LIMD1: variants seen among roughly 807,000 people sequenced by gnomAD.
LIMD1 encodes LIM domain containing 1, also known as LIM domain-containing protein 1.
Under a neutral mutation model 58.4 loss-of-function variants are expected in LIMD1, and 23 were observed. That is an observed-to-expected ratio of 0.39 (90% CI 0.28 to 0.56). The LOEUF (loss-of-function observed/expected upper bound fraction) is 0.56. LIMD1 is among the 20% of genes least tolerant of loss of function. The pLI is 0.57. For missense variants in LIMD1, 838 were observed against 855.5 expected (o/e 0.98, Z 0.25); for synonymous variants, 334 against 345.5 (o/e 0.97, Z 0.37).
chr3:45,601,331 C>T (rs968522461), intron 1 of LIMD1, among the ~76,000 whole-genome samples: 9 of 152,192 alleles, frequency 5.9e-5, no homozygotes, highest in African/African-American at 1.9e-4. Flanking sequence ...TTCACACTCC[C>T]TCATGGATCA....
rs1701331384 is a variant in LIMD1 at position 45,595,168 on chromosome 3, C to CT, written c.290dup (p.Thr98AspfsTer61). On this transcript the variant is annotated frameshift_variant, in exon 1 of 8. Transcript: ENST00000273317. LOFTEE classifies it high-confidence loss of function. ...CCGTTGGGAAGTTGTGGGCAGCAAG[C>CT]TGACTGTGGATGGTGCTGCCAAGCC... 1.2e-6 allele frequency: 2 copies of CT among 1,604,626 alleles called. No homozygotes were observed. Among genetic ancestry groups the CT allele is most frequent in the Non-Finnish European group, 1.7e-6 (2 of 1,175,512 alleles).
In LIMD1 at chr3:45,677,378, T is replaced by G. The variant is rs1312214274; in HGVS notation, c.*319T>G. ...TCCTCCTGTCCCCTCTGGGAACATT[T>G]CATGCTTCAGAGGGAGAGGTTTTTA... is the stretch of plus-strand genomic sequence containing the variant. On this transcript the variant is annotated 3_prime_UTR_variant, in exon 8 of 8. Transcript: ENST00000273317. The G allele has an allele frequency of 8.2e-6, 2 of 244,782 alleles. No individual in the cohort carries two copies. Among genetic ancestry groups the G allele is most frequent in the Non-Finnish European group, 1.6e-5 (2 of 124,376 alleles). The allele number at this position is 244,782 out of a possible 1,614,324, so 15.2% of individuals were successfully genotyped here.
rs1701322573 is a variant in LIMD1 at position 45,594,825 on chromosome 3, ACACACACACACACACACACG to A, written c.-54_-35del. ...CACACACACACACACACACACACAC[ACACACACACACACACACACG>A]GCACCTGGGCTAGGCCCGGACACCT... On this transcript the variant is annotated 5_prime_UTR_variant, in exon 1 of 8. Coordinates refer to ENST00000273317, the MANE Select transcript of LIMD1 (RefSeq NM_014240.3). The A allele has an allele frequency of 2.6e-6, 2 of 770,596 alleles. No homozygotes were observed. The highest frequency in any genetic ancestry group is 2.2e-5 in the African/African-American group (1 of 45,514). The allele number at this position is 770,596 out of a possible 1,614,324, so 47.7% of individuals were successfully genotyped here.
chr3:45,626,906 AAG>A (rs1377874428), intron 1 of LIMD1, among the ~76,000 whole-genome samples: 1 of 152,082 alleles, frequency 6.6e-6, no homozygotes, highest in African/African-American at 2.4e-5. Flanking sequence ...AAAAAAAAAA[AAG>A]TAAATTCATT....
chr3:45,671,718 T>G (rs192741989), intron 4 of LIMD1, among the ~76,000 whole-genome samples: 7 of 152,292 alleles, frequency 4.6e-5, no homozygotes, highest in Admixed American at 3.9e-4. Context: ...AGTTTCTGAT[T>G]CAAGAAATCT....
intron 2 of LIMD1, among the ~76,000 whole-genome samples, chr3:45,653,967 T>C (rs188595150): frequency 2.0e-4 from 30 of 150,258 alleles, no homozygotes; most frequent in African/African-American, 7.3e-4. Context: ...AGAAAAGCTA[T>C]TTGAAGAAGT....
chr3:45,631,311 C>G (rs116623969), intron 1 of LIMD1, among the ~76,000 whole-genome samples: 1,673 of 150,886 alleles, frequency 0.011, 25 homozygotes, highest in African/African-American at 0.039. Flanking sequence ...AAAAAAAAAA[C>G]AAAGAAAGAA....
At chr3:45,634,212 C>T (rs1367513281) in intron 1 of LIMD1, among the ~76,000 whole-genome samples, 3 of 152,144 alleles carry the variant, frequency 2.0e-5, no homozygotes, top group African/African-American at 7.2e-5. Context: ...TACAGTTTTA[C>T]AACATAAAGA....
intron 6 of LIMD1, 66 bp from the exon 7 acceptor site, chr3:45,674,277 T>G: frequency 1.4e-5 from 17 of 1,256,346 alleles, no homozygotes; most frequent in Non-Finnish European, 1.7e-5. Context: ...CACCCCACGG[T>G]ACATCAAGCC....
intron 2 of LIMD1, among the ~76,000 whole-genome samples, chr3:45,653,227 G>A (rs1428848753): frequency 6.6e-6 from 1 of 152,196 alleles, no homozygotes; most frequent in Non-Finnish European, 1.5e-5. Flanking sequence ...AGTGATGTAG[G>A]GGATTTGGAT....
chr3:45,629,117 A>T (rs1701700705), intron 1 of LIMD1, among the ~76,000 whole-genome samples: 1 of 152,072 alleles, frequency 6.6e-6, no homozygotes. Flanking sequence ...GGTGTATAGA[A>T]ATGTCACAAC....
chr3:45,663,288 T>C (rs1697467994), intron 2 of LIMD1, among the ~76,000 whole-genome samples: 1 of 152,232 alleles, frequency 6.6e-6, no homozygotes, highest in African/African-American at 2.4e-5. Flanking sequence ...TCTGTCCTCA[T>C]GCATGTTTGG....
intron 2 of LIMD1, 92 bp downstream of exon 2, chr3:45,636,343 G>A (rs1291549024): frequency 3.0e-6 from 3 of 1,001,566 alleles, no homozygotes; most frequent in South Asian, 1.7e-5. Context: ...TTCTGGAGAC[G>A]GTTGGTCCAT....
Position 45,665,687 on chromosome 3 carries a change from C to T in LIMD1, c.1548C>T (p.Asn516=), listed in dbSNP as rs745556447. The change falls in exon 3 of 8, where the codon AAC becomes AAT. Residue 516 remains asparagine, a synonymous_variant. Coordinates refer to ENST00000273317, the MANE Select transcript of LIMD1 (RefSeq NM_014240.3). The part of the protein sequence containing the change: ...KLRGKAFYFV[N]GKVFCEEDFL... ...GAGGAAAAGCCTTTTATTTTGTCAA[C>T]GGCAAAGTGTTTTGTGAAGAAGACT... The T allele has an allele frequency of 1.9e-5, 31 of 1,613,974 alleles. 1 individual carries two copies. The highest frequency in any genetic ancestry group is 1.8e-4 in the South Asian group (16 of 91,088).
intron 1 of LIMD1, among the ~76,000 whole-genome samples, chr3:45,616,446 A>G (rs2125652613): frequency 6.6e-6 from 1 of 152,280 alleles, no homozygotes; most frequent in Non-Finnish European, 1.5e-5. Flanking sequence ...ACCGGGTCAC[A>G]TCCCTCCTGG....
At chr3:45,672,949 T>C in intron 5 of LIMD1, 129 bp downstream of exon 5, 1 of 1,115,464 alleles carries the variant, frequency 9.0e-7, no homozygotes, top group Admixed American at 1.9e-5. Flanking sequence ...AAAGGCTTAA[T>C]GGTTTTGAGG....
At chr3:45,612,677 T>G (rs1701536954) in intron 1 of LIMD1, among the ~76,000 whole-genome samples, 1 of 152,236 alleles carries the variant, frequency 6.6e-6, no homozygotes, top group Non-Finnish European at 1.5e-5. Context: ...TTCTTTCCAG[T>G]TAGTGCTCAC....
At chr3:45,658,558 T>TTTTTTTTTG in intron 2 of LIMD1, among the ~76,000 whole-genome samples, 1 of 128,788 alleles carries the variant, frequency 7.8e-6, no homozygotes, top group Non-Finnish European at 1.6e-5. Context: ...TTTTTTTTTT[T>TTTTTTTTTG]TTTTTTTTTG....
At chr3:45,670,209 T>C (rs1005095349) in intron 4 of LIMD1, among the ~76,000 whole-genome samples, 6 of 152,330 alleles carry the variant, frequency 3.9e-5, no homozygotes, top group African/African-American at 7.2e-5. Context: ...AGTGTCCTTC[T>C]GACAAACCTA....
Sources: allele counts gnomAD v4.1 joint callset (sites outside exome capture counted in the v4.1 genomes callset), GRCh38; gene constraint gnomAD v4.1.1; transcripts MANE v1.5; gene names NCBI Gene and HGNC (gene_info 2026-07-23, HGNC 2026-07-21).